ENAH: variants seen among roughly 807,000 people sequenced by gnomAD.
ENAH encodes ENAH actin regulator.
Under a neutral mutation model 78.7 loss-of-function variants are expected in ENAH, and 23 were observed. That is an observed-to-expected ratio of 0.29 (90% CI 0.21 to 0.41). The LOEUF is 0.41. ENAH is among the 10% of genes least tolerant of loss of function. The pLI is 1.00. For missense variants in ENAH, 544 were observed against 691.0 expected (o/e 0.79, Z 2.39); for synonymous variants, 226 against 241.0 (o/e 0.94, Z 0.58).
At chr1:225,619,512 C>T (rs563763009) in intron 1 of ENAH, among the ~76,000 whole-genome samples, 1 of 152,266 alleles carries the variant, frequency 6.6e-6, no homozygotes, top group South Asian at 2.1e-4. Context: ...CCACTGCACT[C>T]CTGCCTGGGC....
intron 1 of ENAH, among the ~76,000 whole-genome samples, chr1:225,639,733 C>A (rs1265977383): frequency 6.7e-6 from 1 of 149,310 alleles, no homozygotes; most frequent in East Asian, 1.9e-4. Flanking sequence ...CACACACACA[C>A]ACACACACAC....
chr1:225,558,572 T>A (rs1029747386), intron 2 of ENAH, among the ~76,000 whole-genome samples: 18 of 151,524 alleles, frequency 1.2e-4, no homozygotes, highest in Non-Finnish European at 2.2e-4. Context: ...ACAAGGACTT[T>A]AGAGACAAAC....
At chr1:225,592,207 C>T (rs2096880439) in intron 1 of ENAH, among the ~76,000 whole-genome samples, 1 of 152,220 alleles carries the variant, frequency 6.6e-6, no homozygotes, top group Admixed American at 6.5e-5. Context: ...GTGAGCTCAA[C>T]ACTACCAAAC....
intron 1 of ENAH, among the ~76,000 whole-genome samples, chr1:225,644,019 T>C (rs371719547): frequency 3.9e-5 from 6 of 151,918 alleles, no homozygotes; most frequent in Non-Finnish European, 8.8e-5. Flanking sequence ...AATACAAATA[T>C]AGTATAATTC....
intron 1 of ENAH, among the ~76,000 whole-genome samples, chr1:225,618,990 CT>C (rs1457356878): frequency 6.6e-6 from 1 of 152,166 alleles, no homozygotes; most frequent in African/African-American, 2.4e-5. Flanking sequence ...GGCTTACCTT[CT>C]ATCCCCAAGA....
At chr1:225,634,925 T>G (rs1272354378) in intron 1 of ENAH, among the ~76,000 whole-genome samples, 2 of 152,226 alleles carry the variant, frequency 1.3e-5, no homozygotes, top group Non-Finnish European at 2.9e-5. Flanking sequence ...AAATTCCATA[T>G]GAATTATTTT....
chr1:225,550,149 C>G (rs1466089869), intron 3 of ENAH, among the ~76,000 whole-genome samples: 5 of 152,188 alleles, frequency 3.3e-5, no homozygotes, highest in African/African-American at 1.2e-4. Flanking sequence ...TTGCTCCATG[C>G]TCTCATGCTT....
chr1:225,586,443 T>C (rs955378061), intron 1 of ENAH, among the ~76,000 whole-genome samples: 19 of 152,134 alleles, frequency 1.2e-4, no homozygotes, highest in Admixed American at 2.0e-4. Flanking sequence ...CCTGATATTA[T>C]ATAAACTCTC....
chr1:225,575,556 G>A (rs1297505323), intron 1 of ENAH, among the ~76,000 whole-genome samples: 2 of 152,138 alleles, frequency 1.3e-5, no homozygotes, highest in Non-Finnish European at 2.9e-5. Context: ...GGAGCACACT[G>A]GTGTTCAAAA....
chr1:225,559,946 T>C (rs560466754), intron 2 of ENAH, among the ~76,000 whole-genome samples: 27 of 152,248 alleles, frequency 1.8e-4, no homozygotes, highest in East Asian at 7.7e-4. Flanking sequence ...ATGGGAAGCA[T>C]TGGGAGTGCC....
chr1:225,653,356 C>A (rs1379781252), upstream of ENAH, among the ~76,000 whole-genome samples: 2 of 151,666 alleles, frequency 1.3e-5, no homozygotes, highest in Non-Finnish European at 2.9e-5. This position sits in a 1 kb window ranked among gnomAD's most constrained non-coding sequence, Gnocchi z 4.3. Flanking sequence ...CGGAGAGAGG[C>A]TCTTTGTTGC....
intron 1 of ENAH, among the ~76,000 whole-genome samples, chr1:225,624,322 A>C (rs922982760): frequency 2.0e-5 from 3 of 152,108 alleles, no homozygotes; most frequent in Admixed American, 6.6e-5. Context: ...AGGACAAAGA[A>C]ATATTTTAAA....
intron 1 of ENAH, among the ~76,000 whole-genome samples, chr1:225,617,900 A>G (rs1656079789): frequency 6.6e-6 from 1 of 152,352 alleles, no homozygotes; most frequent in Middle Eastern, 3.4e-3. Context: ...CCACCAACCT[A>G]TGATTAAATC....
intron 1 of ENAH, among the ~76,000 whole-genome samples, chr1:225,598,683 GA>G (rs924186797): frequency 1.3e-5 from 2 of 151,540 alleles, no homozygotes; most frequent in Non-Finnish European, 2.9e-5. Context: ...AAAAGGGATG[GA>G]AAAAAATAAA....
At chr1:225,535,022 C>T (rs997065321) in intron 3 of ENAH, among the ~76,000 whole-genome samples, 1 of 152,076 alleles carries the variant, frequency 6.6e-6, no homozygotes, top group Non-Finnish European at 1.5e-5. Context: ...GGCTGTCAAT[C>T]AGAAATCAAC....
rs2096210634 is a variant in ENAH at position 225,488,895 on chromosome 1, T to C, written c.*8880A>G. The C allele has an allele frequency of 6.6e-6, 1 of 152,244 alleles. No individual in the cohort carries two copies. Among genetic ancestry groups the C allele is most frequent in the East Asian group, 1.9e-4 (1 of 5,206 alleles). 9.4% of individuals were successfully genotyped at this position (152,244 alleles called of 1,614,324 possible). A position where few individuals can be genotyped will look rare whatever the true frequency, so the allele number is the denominator to read the frequency against. ...AAGCGGCACCTGGTCTGCCAAGACATTGCTGTTAAACAGAGTCTTTTGGAT... is the reference window on the plus strand; with the variant it reads ...AAGCGGCACCTGGTCTGCCAAGACACTGCTGTTAAACAGAGTCTTTTGGAT... On this transcript the variant is annotated 3_prime_UTR_variant, in exon 14 of 14. Coordinates refer to ENST00000366843, the MANE Select transcript of ENAH (RefSeq NM_018212.6).
chr1:225,639,705 AACAC>A lies in ENAH; in HGVS notation c.5+12977_5+12980del, dbSNP rs374646635. ...CACAAAATGGACTATGGCGGGATTA[AACAC>A]ACACACACACACACACACACACACA... is the stretch of plus-strand genomic sequence containing the variant. On this transcript the variant is annotated intron_variant, in intron 1 of 13. Coordinates refer to ENST00000366843, the MANE Select transcript of ENAH (RefSeq NM_018212.6). 1.7e-3 allele frequency among the ~76,000 whole-genome samples: 240 copies of A among 138,616 alleles called. 1 individual carries two copies. The highest frequency in any genetic ancestry group is 2.3e-3 in the African/African-American group (82 of 35,414). 90.9% of individuals were successfully genotyped at this position (138,616 alleles called of 152,430 possible). A position where few individuals can be genotyped will look rare whatever the true frequency, so the allele number is the denominator to read the frequency against.
intron 10 of ENAH, among the ~76,000 whole-genome samples, chr1:225,509,223 C>T (rs2096357620): frequency 6.6e-6 from 1 of 151,960 alleles, no homozygotes; most frequent in Admixed American, 6.6e-5. Context: ...TGACACCAGC[C>T]CAAGCAGGTG....
At chr1:225,499,891 C>T (rs1322124079) in intron 12 of ENAH, among the ~76,000 whole-genome samples, 1 of 152,144 alleles carries the variant, frequency 6.6e-6, no homozygotes, top group African/African-American at 2.4e-5. Flanking sequence ...ATAAAACTAT[C>T]AATTAGTTTG....
Sources: gnomAD v4.1 joint callset for allele counts (sites outside exome capture counted in the v4.1 genomes callset) on GRCh38, gnomAD v4.1.1 for gene constraint, Gnocchi (gnomAD v3.1) non-coding constraint, MANE v1.5 for transcripts, NCBI Gene and HGNC (gene_info 2026-07-23, HGNC 2026-07-21) for gene names.